Variants in ZNF254 observed in about 807,000 individuals in gnomAD.
The protein encoded by ZNF254 is CTD-2017D11.1.
A neutral mutation model predicts 12.4 loss-of-function variants in ZNF254; 10 were observed. That is an observed-to-expected ratio of 0.80 (90% confidence interval 0.50 to 1.36). The LOEUF is 1.36. ZNF254 is among the 40% of genes most tolerant of loss of function. The pLI is 0.00. For synonymous variants in ZNF254, 305 were observed against 253.4 expected (o/e 1.20, Z -1.93); for missense variants, 996 against 763.9 (o/e 1.30, Z -3.58).
upstream of ZNF254, among the ~76,000 whole-genome samples, chr19:24,083,244 G>T (rs1276034178): frequency 1.3e-5 from 2 of 151,930 alleles, no homozygotes; most frequent in African/African-American, 4.8e-5. Flanking sequence ...TAATAATTAG[G>T]ATTATCCCTA....
At chr19:24,086,363 T>A (rs1384574775), upstream of ZNF254, among the ~76,000 whole-genome samples, 2 of 152,112 alleles carry the variant, frequency 1.3e-5, no homozygotes, top group African/African-American at 4.8e-5. Flanking sequence ...TAGGGTGCAG[T>A]GGCAGGATCT....
Position 24,127,919 on chromosome 19 carries a change from A to G in ZNF254, c.1919A>G (p.Asn640Ser), listed in dbSNP as rs758481489. 5.0e-6 allele frequency: 8 copies of G among 1,609,478 alleles called. No homozygotes were observed. Among genetic ancestry groups the G allele is most frequent in the African/African-American group, 2.7e-5 (2 of 74,786 alleles). ...TGGGAAAAATTTGGCAAAGCCTTTA[A>G]TCGGTCCTCGCACCTCACCACAGAT... ...YKWEKFGKAF[N>S]RSSHLTTDKI... Residue 640 changes from asparagine (N) to serine (S), a missense_variant, in exon 4 of 4, where the codon AAT becomes AGT. Physicochemically the swap from Asn to Ser is conservative, Grantham distance 46. Transcript: ENST00000357002.
chr19:24,098,424 A>C (rs572770804), intron 1 of ZNF254: 28 of 152,272 alleles, frequency 1.8e-4, no homozygotes, highest in African/African-American at 6.5e-4. Flanking sequence ...TTAATTTTTT[A>C]TCAAAGGTAC....
At chr19:24,087,781 C>G (rs2145636317) in intron 1 of ZNF254, among the ~76,000 whole-genome samples, 1 of 152,192 alleles carries the variant, frequency 6.6e-6, no homozygotes, top group Admixed American at 6.5e-5. Flanking sequence ...AAAAATTGTA[C>G]CACACCCAGC....
intron 2 of ZNF254, among the ~76,000 whole-genome samples, chr19:24,057,803 C>T (rs552933671): frequency 6.6e-6 from 1 of 152,310 alleles, no homozygotes; most frequent in South Asian, 2.1e-4. Context: ...GTCTCTCATT[C>T]AATGATTCAA....
At chr19:24,111,513 C>G (rs1033911013) in intron 3 of ZNF254, among the ~76,000 whole-genome samples, 2 of 152,202 alleles carry the variant, frequency 1.3e-5, no homozygotes, top group African/African-American at 2.4e-5. Context: ...TTCTAGATCC[C>G]TGAGGAATCG....
At chr19:24,064,577 A>G (rs1971200008) in intron 2 of ZNF254, 1 of 152,052 alleles carries the variant, frequency 6.6e-6, no homozygotes, top group Non-Finnish European at 1.5e-5. Flanking sequence ...CCCAGGCTGG[A>G]TTGCAATGGT....
At chr19:24,042,992 GTTTCTT>G (rs1352338030) in intron 1 of ZNF254, among the ~76,000 whole-genome samples, 1 of 151,956 alleles carries the variant, frequency 6.6e-6, no homozygotes, top group East Asian at 1.9e-4. Flanking sequence ...GAAAAACTCT[GTTTCTT>G]TTTCTTTTTA....
At chr19:24,089,463 G>A (rs1018000338) in intron 1 of ZNF254, among the ~76,000 whole-genome samples, 1 of 151,852 alleles carries the variant, frequency 6.6e-6, no homozygotes, top group African/African-American at 2.4e-5. Flanking sequence ...TTTGGGTCAA[G>A]TTTTCCTTTT....
At chr19:24,107,164 T>C (rs1377756085) in intron 3 of ZNF254, 29 of 599,256 alleles carry the variant, frequency 4.8e-5, no homozygotes. Context: ...TTCTTTTTCC[T>C]CAAGATTGCT....
chr19:24,123,107 G>A (rs1261809921), intron 3 of ZNF254, among the ~76,000 whole-genome samples: 1 of 150,710 alleles, frequency 6.6e-6, no homozygotes, highest in African/African-American at 2.4e-5. Flanking sequence ...CATTAAGTCT[G>A]TCTGTTGCAT....
intron 2 of ZNF254, chr19:24,064,494 T>C (rs1971196025): frequency 6.6e-6 from 1 of 152,240 alleles, no homozygotes; most frequent in Non-Finnish European, 1.5e-5. Context: ...TCTCCTCTTG[T>C]GCCTGAGACC....
rs142844114 is a variant in ZNF254 at position 24,126,876 on chromosome 19, A to C, written c.876A>C (p.Lys292Asn). Reference protein sequence around the residue: ...TTHKIIHTGEKPYKCEECGKA... With the variant: ...TTHKIIHTGENPYKCEECGKA... Reference sequence around the variant, plus strand: ...ATAAGATAATTCATACTGGAGAGAAACCTTACAAGTGTGAAGAATGTGGCA... The same window carrying C: ...ATAAGATAATTCATACTGGAGAGAACCCTTACAAGTGTGAAGAATGTGGCA... The change falls in exon 4 of 4, where the codon AAA (lysine) becomes AAC (asparagine). Residue 292 changes from lysine (K) to asparagine (N), a missense_variant. Physicochemically the swap from Lys to Asn is moderately conservative, Grantham distance 94. Coordinates refer to ENST00000357002, the MANE Select transcript of ZNF254 (RefSeq NM_203282.4). The C allele has an allele frequency of 1.5e-3, 2,356 of 1,613,582 alleles. 7 individuals carry two copies. Among genetic ancestry groups the C allele is most frequent in the South Asian group, 2.1e-3 (189 of 91,054 alleles).
chr19:24,083,204 C>G (rs1040522222), upstream of ZNF254, among the ~76,000 whole-genome samples: 4 of 152,074 alleles, frequency 2.6e-5, no homozygotes, highest in Admixed American at 6.6e-5. Flanking sequence ...GAACTCAACC[C>G]CTTTTAAAGC....
intron 1 of ZNF254, among the ~76,000 whole-genome samples, chr19:24,045,532 G>A (rs1970346519): frequency 6.6e-6 from 1 of 151,998 alleles, no homozygotes; most frequent in African/African-American, 2.4e-5. Flanking sequence ...AGCTGGGCGT[G>A]GTGGCGGCGT....
intron 2 of ZNF254, among the ~76,000 whole-genome samples, chr19:24,062,104 AAAAAG>A (rs1012209328): frequency 3.6e-5 from 3 of 83,880 alleles, no homozygotes; most frequent in African/African-American, 2.0e-4. Flanking sequence ...AAAAAAAAAG[AAAAAG>A]AAAAAGGAGT....
upstream of ZNF254, among the ~76,000 whole-genome samples, chr19:24,083,382 T>C (rs1568444629): frequency 6.6e-6 from 1 of 152,160 alleles, no homozygotes; most frequent in South Asian, 2.1e-4. Flanking sequence ...GTAAAAATCA[T>C]ATTACCAAAA....
At chr19:24,081,849 A>G (rs73021416) in intron 2 of ZNF254, among the ~76,000 whole-genome samples, 22,734 of 152,256 alleles carry the variant, frequency 0.15, 1,737 homozygotes, top group Middle Eastern at 0.17. Flanking sequence ...TCCGATGGGT[A>G]CAGTATCTCA....
At chr19:24,093,555 C>T (rs902366370) in intron 1 of ZNF254, among the ~76,000 whole-genome samples, 2 of 152,028 alleles carry the variant, frequency 1.3e-5, no homozygotes, top group Admixed American at 6.6e-5. Context: ...GAATTGGTTC[C>T]ACATTTCTAT....
Sources: allele counts gnomAD v4.1 joint callset (sites outside exome capture counted in the v4.1 genomes callset), GRCh38; gene constraint gnomAD v4.1.1; transcripts MANE v1.5; gene names NCBI Gene and HGNC (gene_info 2026-07-23, HGNC 2026-07-21).